The following ASB3 variants were observed in gnomAD, a reference collection of about 807,000 sequenced individuals.
The protein encoded by ASB3 is ankyrin repeat and SOCS box protein 3.
ASB3 carries 41 observed loss-of-function variants against 54.5 expected under a neutral mutation model. That is an observed-to-expected ratio of 0.75 (90% confidence interval 0.59 to 0.98). ASB3 has a LOEUF of 0.98. Ranked by LOEUF, ASB3 falls within the 50% of genes least tolerant of loss-of-function variation. The pLI is 0.00. For synonymous variants in ASB3, 266 were observed against 221.2 expected (o/e 1.20, Z -1.80); for missense variants, 733 against 620.0 (o/e 1.18, Z -1.94).
At chr2:53,739,500 T>C (rs2103957675) in intron 3 of ASB3, among the ~76,000 whole-genome samples, 1 of 152,346 alleles carries the variant, frequency 6.6e-6, no homozygotes, top group East Asian at 1.9e-4. Flanking sequence ...ATTTTTTAAA[T>C]GTAATTATCT....
intron 7 of ASB3, among the ~76,000 whole-genome samples, chr2:53,712,728 A>T (rs1196804148): frequency 6.6e-6 from 1 of 151,916 alleles, no homozygotes; most frequent in East Asian, 1.9e-4. Context: ...AGGCCAAAAA[A>T]GACCATCATC....
chr2:53,765,409 G>A lies in ASB3; in HGVS notation c.164C>T (p.Ser55Phe), dbSNP rs142997048. 8.1e-6 allele frequency: 13 copies of A among 1,614,140 alleles called. No homozygotes were observed. In the African/African-American group the frequency reaches 1.5e-4, roughly 18 times the overall value. ...MPIHEAAYHNSVECLQMLINA... is the reference protein window; with the variant it reads ...MPIHEAAYHNFVECLQMLINA... ...AATTAACATTTGCAAACATTCTACAGAGTTGTGATAAGCTGCTTCATGAAT... is the reference window on the plus strand; with the variant it reads ...AATTAACATTTGCAAACATTCTACAAAGTTGTGATAAGCTGCTTCATGAAT... Residue 55 changes from serine (S) to phenylalanine (F), a missense_variant, in exon 2 of 10, where the codon TCT becomes TTT. Physicochemically the swap from Ser to Phe is radical, Grantham distance 155. Coordinates refer to ENST00000263634, the MANE Select transcript of ASB3 (RefSeq NM_016115.5).
intron 3 of ASB3, among the ~76,000 whole-genome samples, chr2:53,744,191 A>G: frequency 6.6e-6 from 1 of 151,796 alleles, no homozygotes; most frequent in East Asian, 1.9e-4. Flanking sequence ...CCTGGCTAAC[A>G]CGGTGAAACC....
At chr2:53,704,558 T>G (rs1669667976) in intron 7 of ASB3, among the ~76,000 whole-genome samples, 1 of 152,110 alleles carries the variant, frequency 6.6e-6, no homozygotes, top group African/African-American at 2.4e-5. Flanking sequence ...GCTTCAATTT[T>G]TTTCCCTCAG....
intron 1 of ASB3, among the ~76,000 whole-genome samples, chr2:53,780,135 T>G (rs1016356786): frequency 4.6e-5 from 7 of 152,326 alleles, no homozygotes; most frequent in African/African-American, 1.4e-4. Context: ...ACCTAAAATA[T>G]GAAACTGAGG....
intron 3 of ASB3, among the ~76,000 whole-genome samples, chr2:53,739,106 T>C (rs1207510971): frequency 6.6e-6 from 1 of 152,224 alleles, no homozygotes; most frequent in African/African-American, 2.4e-5. Flanking sequence ...CTGCAATAAT[T>C]TCTAGGGAGA....
chr2:53,765,287 T>C (rs1673375837), intron 2 of ASB3, 90 bp downstream of exon 2: 2 of 1,522,636 alleles, frequency 1.3e-6, no homozygotes, highest in South Asian at 1.2e-5. Context: ...GGGAAACAAA[T>C]ACTACTGTTA....
At chr2:53,765,312 A>G in intron 2 of ASB3, 65 bp downstream of exon 2, 2 of 1,598,506 alleles carry the variant, frequency 1.3e-6, no homozygotes, top group Non-Finnish European at 1.7e-6. Context: ...GTTATGTATT[A>G]TACTTTTTTA....
chr2:53,755,032 T>C (rs1672736855), intron 2 of ASB3, among the ~76,000 whole-genome samples: 1 of 152,252 alleles, frequency 6.6e-6, no homozygotes, highest in Non-Finnish European at 1.5e-5. Context: ...TCCTATTCAC[T>C]GTTTTTAATG....
intron 6 of ASB3, among the ~76,000 whole-genome samples, chr2:53,714,917 T>C (rs2103837453): frequency 6.6e-6 from 1 of 152,326 alleles, no homozygotes; most frequent in African/African-American, 2.4e-5. Context: ...TTAGATATTT[T>C]AGGGTTTAAT....
chr2:53,784,411 T>C (rs749753264), intron 1 of ASB3, among the ~76,000 whole-genome samples: 1 of 152,182 alleles, frequency 6.6e-6, no homozygotes, highest in Non-Finnish European at 1.5e-5. Context: ...TTGGTTTTCA[T>C]CCTCTATTAC....
In ASB3 at chr2:53,729,582, C is replaced by T. The variant is rs200919329; in HGVS notation, c.356-12G>A. On this transcript the variant is annotated splice_polypyrimidine_tract_variant and intron_variant, in intron 3 of 9. Coordinates refer to ENST00000263634, the MANE Select transcript of ASB3 (RefSeq NM_016115.5). ...TCCATTTTCAACAGCTGTAATACAG[C>T]AGTTAGAAAAATTAATGTCAGCAAA... 4.3e-6 allele frequency: 7 copies of T among 1,612,052 alleles called. No individual in the cohort carries two copies. In the South Asian group the frequency reaches 7.7e-5, roughly 18 times the overall value.
chr2:53,760,992 T>C (rs780150828), intron 2 of ASB3, among the ~76,000 whole-genome samples: 5 of 152,062 alleles, frequency 3.3e-5, no homozygotes, highest in Non-Finnish European at 5.9e-5. Flanking sequence ...CCTGATGAAA[T>C]CTAAACTGCA....
intron 1 of ASB3, among the ~76,000 whole-genome samples, chr2:53,786,031 C>T (rs991278065): frequency 3.9e-4 from 59 of 152,166 alleles, no homozygotes; most frequent in Middle Eastern, 3.4e-3. Context: ...TGATTTGGTT[C>T]AAATCTGAGG....
intron 3 of ASB3, among the ~76,000 whole-genome samples, chr2:53,740,810 T>A (rs779585529): frequency 6.6e-6 from 1 of 152,116 alleles, no homozygotes; most frequent in Non-Finnish European, 1.5e-5. Context: ...AGAGACCATA[T>A]CCAGAAAAAT....
At position 53,701,003 on chromosome 2, in the gene ASB3, T is replaced by A. The variant is rs114539857; in HGVS notation, c.981-475A>T. Among the ~76,000 whole-genome samples, 1,504 of 152,304 alleles carry A rather than the reference T, an allele frequency of 9.9e-3. 26 individuals carry two copies. Among genetic ancestry groups the A allele is most frequent in the African/African-American group, 0.033 (1,355 of 41,548 alleles). ...CTTATTTATTTTTCTAGATACAGGGTCTTGCTCTGTGGCCCAGGCTGACGT... is the reference window on the plus strand; with the variant it reads ...CTTATTTATTTTTCTAGATACAGGGACTTGCTCTGTGGCCCAGGCTGACGT... On this transcript the variant is annotated intron_variant, in intron 7 of 9. Transcript: ENST00000263634.
chr2:53,714,632 T>G (rs1558534119), intron 6 of ASB3, 51 bp from the exon 7 acceptor site: 3 of 1,570,226 alleles, frequency 1.9e-6, no homozygotes, highest in South Asian at 2.3e-5. Flanking sequence ...TGTGCATAAA[T>G]GTAGGCAACA....
intron 3 of ASB3, among the ~76,000 whole-genome samples, chr2:53,745,008 C>T (rs142623175): frequency 4.0e-4 from 61 of 152,318 alleles, no homozygotes; most frequent in African/African-American, 1.4e-3. Context: ...CCATGCAGTT[C>T]CCATGGAGTG....
intron 7 of ASB3, among the ~76,000 whole-genome samples, chr2:53,708,773 T>C (rs1669931589): frequency 1.3e-5 from 2 of 152,218 alleles, no homozygotes; most frequent in Non-Finnish European, 2.9e-5. Context: ...GTGCCCCTGC[T>C]CTGGGGACCT....
Sources: gnomAD v4.1 joint callset for allele counts (sites outside exome capture counted in the v4.1 genomes callset) on GRCh38, gnomAD v4.1.1 for gene constraint, MANE v1.5 for transcripts, NCBI Gene and HGNC (gene_info 2026-07-23, HGNC 2026-07-21) for gene names.